Variants in TMEM40 observed in about 807,000 individuals in gnomAD.
TMEM40 encodes transmembrane protein 40.
In TMEM40, 34 loss-of-function variants were observed where a neutral mutation model predicts 40.8. The observed-to-expected ratio is 0.83, with a 90% CI of 0.63 to 1.11. The LOEUF (loss-of-function observed/expected upper bound fraction) is 1.11, where lower values mean the gene tolerates loss of function less well. TMEM40 is among the 50% of genes least tolerant of loss of function. The pLI is 0.00. For synonymous variants in TMEM40, 106 were observed against 107.0 expected (o/e 0.99, Z 0.06); for missense variants, 296 against 280.2 (o/e 1.06, Z -0.40).
At chr3:12,741,959 C>T (rs1020128300) in intron 5 of TMEM40, among the ~76,000 whole-genome samples, 2 of 151,968 alleles carry the variant, frequency 1.3e-5, no homozygotes, top group Admixed American at 6.6e-5. Flanking sequence ...TGGCCGGGCG[C>T]GGTGGCTCAC....
chr3:12,760,183 T>C (rs2061559230), upstream of TMEM40, among the ~76,000 whole-genome samples: 1 of 152,144 alleles, frequency 6.6e-6, no homozygotes, highest in African/African-American at 2.4e-5. Flanking sequence ...ATCCAGCCAG[T>C]GTCAACACTG....
chr3:12,767,880 C>T (rs928321186), intron 1 of TMEM40, among the ~76,000 whole-genome samples: 1 of 152,136 alleles, frequency 6.6e-6, no homozygotes, highest in Non-Finnish European at 1.5e-5. Flanking sequence ...TGTCTCCACA[C>T]CCCTTATAGC....
At chr3:12,738,886 G>A (rs2061360042) in intron 5 of TMEM40, 1 of 366,696 alleles carries the variant, frequency 2.7e-6, no homozygotes, top group Non-Finnish European at 5.2e-6. Flanking sequence ...CGCACGCGGT[G>A]GCTCATGCCT....
chr3:12,743,054 C>T (rs999031835), intron 4 of TMEM40, among the ~76,000 whole-genome samples: 2 of 152,236 alleles, frequency 1.3e-5, no homozygotes, highest in African/African-American at 2.4e-5. Flanking sequence ...ATTTATTAAA[C>T]ACCTTCTGTG....
intron 11 of TMEM40, 129 bp downstream of exon 11, chr3:12,735,426 G>A: frequency 1.2e-6 from 1 of 868,566 alleles, no homozygotes; most frequent in Non-Finnish European, 1.9e-6. Flanking sequence ...TAGTAAACTG[G>A]CAGAGGTAGG....
intron 1 of TMEM40, among the ~76,000 whole-genome samples, chr3:12,765,102 C>T (rs1031587197): frequency 1.2e-4 from 18 of 152,254 alleles, no homozygotes; most frequent in African/African-American, 4.3e-4. Context: ...AGTAATCCAC[C>T]TCCCTTGGCC....
intron 3 of TMEM40, 68 bp downstream of exon 3, chr3:12,748,587 T>C: frequency 6.4e-7 from 1 of 1,556,766 alleles, no homozygotes; most frequent in Non-Finnish European, 8.7e-7. Flanking sequence ...ACTTCAAGTA[T>C]GGGGGATTAT....
At chr3:12,738,478 C>A (rs996862141) in intron 6 of TMEM40, 75 bp downstream of exon 6, 3 of 1,532,420 alleles carry the variant, frequency 2.0e-6, no homozygotes, top group Admixed American at 1.7e-5. Context: ...TGCTGGCTCT[C>A]TTGGGGGAGA....
chr3:12,742,958 C>T (rs2061395323), intron 4 of TMEM40, among the ~76,000 whole-genome samples: 1 of 152,146 alleles, frequency 6.6e-6, no homozygotes, highest in Non-Finnish European at 1.5e-5. Flanking sequence ...GGCAACTCTA[C>T]CAGGTCTGTT....
At chr3:12,761,154 G>T (rs1238020892), upstream of TMEM40, among the ~76,000 whole-genome samples, 1 of 152,220 alleles carries the variant, frequency 6.6e-6, no homozygotes, top group African/African-American at 2.4e-5. Context: ...GCACTATTGT[G>T]TGGAGGATCT....
chr3:12,759,091 G>A (rs2061551003), intron 1 of TMEM40, 100 bp downstream of exon 1: 1 of 152,164 alleles, frequency 6.6e-6, no homozygotes, highest in African/African-American at 2.4e-5. Flanking sequence ...GTCCACCAAG[G>A]AACCACACAA....
chr3:12,750,951 G>A (rs1364479964), intron 1 of TMEM40, among the ~76,000 whole-genome samples: 1 of 152,110 alleles, frequency 6.6e-6, no homozygotes, highest in Non-Finnish European at 1.5e-5. Flanking sequence ...ATGGTCTAGA[G>A]AATCTACCAC....
At position 12,742,464 on chromosome 3, in the gene TMEM40, T is replaced by C. The variant is rs147608337; in HGVS notation, c.345A>G (p.Gln115=). ...GEPDVLKDEL[Q]LYGDAPGEVV... ...TGGGCAACTGATTACCTCCATAGAG[T>C]TGAAGCTCATCCTTCAAAACGTCAG... is the stretch of plus-strand genomic sequence containing the variant. Residue 115 remains glutamine (Q), a synonymous_variant, in exon 5 of 12, where the codon CAA becomes CAG. Transcript: ENST00000314124. The C allele has an allele frequency of 1.4e-5, 23 of 1,613,710 alleles. No individual in the cohort carries two copies. Among genetic ancestry groups the C allele is most frequent in the Non-Finnish European group, 1.8e-5 (21 of 1,179,894 alleles).
intron 1 of TMEM40, among the ~76,000 whole-genome samples, chr3:12,754,903 A>G (rs1190830779): frequency 6.6e-6 from 1 of 152,052 alleles, no homozygotes; most frequent in East Asian, 1.9e-4. Flanking sequence ...TCACCAGAGA[A>G]GTTGCCAACT....
intron 5 of TMEM40, 123 bp downstream of exon 5, chr3:12,742,331 T>A (rs2061389933): frequency 2.7e-6 from 3 of 1,110,716 alleles, no homozygotes; most frequent in Non-Finnish European, 1.3e-6. Context: ...ACTGGCCACA[T>A]CTCCTGTATT....
intron 1 of TMEM40, among the ~76,000 whole-genome samples, chr3:12,757,110 C>T (rs112589770): frequency 0.042 from 6,411 of 152,212 alleles, 164 homozygotes; most frequent in Middle Eastern, 0.065. Flanking sequence ...AGTTTAAAAA[C>T]GGACAGAGGA....
intron 6 of TMEM40, 33 bp downstream of exon 6, chr3:12,738,520 C>T (rs767259018): frequency 1.9e-5 from 31 of 1,613,304 alleles, no homozygotes; most frequent in Non-Finnish European, 2.5e-5. Flanking sequence ...AATACCAGCA[C>T]CAACGACCTC....
At position 12,755,213 on chromosome 3, in the gene TMEM40, T is replaced by TTCTTTCTCTC. The variant is rs1553634015; in HGVS notation, c.-9+3977_-9+3978insGAGAGAAAGA. The stretch of plus-strand genomic sequence containing the variant: ...TTCCTTCCTTCCTTTCTTTCTTTCT[T>TTCTTTCTCTC]TCTCTCTCTCTCTCTCTCTCTCTTT... On this transcript the variant is annotated intron_variant, in intron 1 of 11. Transcript: ENST00000314124. 6.4e-4 allele frequency among the ~76,000 whole-genome samples: 60 copies of TTCTTTCTCTC among 94,302 alleles called. 2 individuals carry two copies. The highest frequency in any genetic ancestry group is 2.4e-3 in the African/African-American group (54 of 22,932). 61.9% of individuals were successfully genotyped at this position (94,302 alleles called of 152,430 possible). A position where few individuals can be genotyped will look rare whatever the true frequency, so the allele number is the denominator to read the frequency against.
chr3:12,743,872 A>C lies in TMEM40; in HGVS notation c.301+28T>G, dbSNP rs754514121. 5 of 1,606,206 alleles carry C rather than the reference A, an allele frequency of 3.1e-6. No homozygotes were observed. The Admixed American group carries it at 5.0e-5, about 16-fold the overall frequency. On this transcript the variant is annotated intron_variant, in intron 4 of 11. Coordinates refer to ENST00000314124, the MANE Select transcript of TMEM40 (RefSeq NM_018306.4). ...AACTCAACGGTGAGCGAGTGGGCAA[A>C]AGAAAAATGGTAAGGCCTATTTCCT...
Sources: allele counts gnomAD v4.1 joint callset (sites outside exome capture counted in the v4.1 genomes callset), GRCh38; gene constraint gnomAD v4.1.1; transcripts MANE v1.5; gene names NCBI Gene and HGNC (gene_info 2026-07-23, HGNC 2026-07-21).